Variants in XPNPEP1 observed in about 807,000 individuals in gnomAD.
XPNPEP1 encodes the protein X-prolyl aminopeptidase 1.
A neutral mutation model predicts 92.4 loss-of-function variants in XPNPEP1; 39 were observed. That is an observed-to-expected ratio of 0.42 (90% CI 0.33 to 0.55). The LOEUF (loss-of-function observed/expected upper bound fraction) is 0.55. Ranked by LOEUF, XPNPEP1 falls within the 20% of genes least tolerant of loss-of-function variation. XPNPEP1 has a pLI of 0.08. For synonymous variants in XPNPEP1, 307 were observed against 299.4 expected (o/e 1.03, Z -0.26); for missense variants, 654 against 856.1 (o/e 0.76, Z 2.95).
At chr10:109,903,419 C>G (rs917982901) in intron 3 of XPNPEP1, among the ~76,000 whole-genome samples, 1 of 152,184 alleles carries the variant, frequency 6.6e-6, no homozygotes, top group African/African-American at 2.4e-5. Context: ...TACAGAACTG[C>G]CCAAACCAAC....
chr10:109,881,869 T>C (rs559478628), intron 10 of XPNPEP1, among the ~76,000 whole-genome samples: 1 of 148,886 alleles, frequency 6.7e-6, no homozygotes, highest in Admixed American at 6.6e-5. Flanking sequence ...TCACTATCAC[T>C]TGAATTTGAC....
chr10:109,870,137 G>A (rs1005539485), intron 18 of XPNPEP1, 108 bp from the exon 19 acceptor site: 58 of 1,226,104 alleles, frequency 4.7e-5, no homozygotes, highest in South Asian at 1.5e-4. Flanking sequence ...GAGAAGAAAC[G>A]GGTGAAGAGC....
In XPNPEP1 at chr10:109,871,906, T is replaced by G. The variant is rs760955853; in HGVS notation, c.1453-45A>C. 9 of 1,581,822 alleles carry G rather than the reference T, an allele frequency of 5.7e-6. No homozygotes were observed. The South Asian group carries it at 9.1e-5, about 16-fold the overall frequency. On this transcript the variant is annotated intron_variant, in intron 16 of 20. Coordinates refer to ENST00000502935, the MANE Select transcript of XPNPEP1 (RefSeq NM_020383.4). Reference sequence around the variant, plus strand: ...GCATGTTGCAGAATGGGGACAGATGTCTAATCCTGTAGTTTTCTGGTAGTT... The same window carrying G: ...GCATGTTGCAGAATGGGGACAGATGGCTAATCCTGTAGTTTTCTGGTAGTT...
chr10:109,878,404 G>A (rs143672766), intron 12 of XPNPEP1: 75 of 211,966 alleles, frequency 3.5e-4, no homozygotes, highest in Admixed American at 6.8e-4. Flanking sequence ...AGATAAATGC[G>A]GAGAGATTAT....
rs936881753 is a variant in XPNPEP1, at chr10:109,867,206, T to C, written c.1872+1408A>G. ...ACTGGTTCCTATGGGGCAGAGGGAT[T>C]CTAAGCAGGGTGGGTCCCATGCCCA... On this transcript the variant is annotated intron_variant, in intron 20 of 20. Transcript: ENST00000502935. The surrounding 1 kb of genome is among the most constrained non-coding windows in gnomAD (Gnocchi z 4.5). Among the ~76,000 whole-genome samples the C allele has an allele frequency of 6.6e-6, 1 of 152,182 alleles. No individual in the cohort carries two copies. Among genetic ancestry groups the C allele is most frequent in the Non-Finnish European group, 1.5e-5 (1 of 68,026 alleles).
chr10:109,869,907 G>GAT, intron 19 of XPNPEP1, 46 bp downstream of exon 19: 1 of 1,595,860 alleles, frequency 6.3e-7, no homozygotes, highest in Non-Finnish European at 8.6e-7. Flanking sequence ...TCCGAGGCGT[G>GAT]ATTATTGCTA....
chr10:109,879,442 C>T (rs947298875), intron 12 of XPNPEP1, among the ~76,000 whole-genome samples: 11 of 151,604 alleles, frequency 7.3e-5, no homozygotes, highest in Admixed American at 3.9e-4. Context: ...CAGTGGCAGG[C>T]GCCTATAATC....
intron 15 of XPNPEP1, among the ~76,000 whole-genome samples, chr10:109,875,269 A>C (rs543553259): frequency 6.6e-6 from 1 of 152,308 alleles, no homozygotes; most frequent in Non-Finnish European, 1.5e-5. Context: ...GCTTTACTTC[A>C]CAGTTGTTTA....
In XPNPEP1 at chr10:109,882,500, G is replaced by C. The variant is rs751291494; in HGVS notation, c.973C>G (p.Leu325Val). 1.2e-6 allele frequency: 2 copies of C among 1,614,126 alleles called. No homozygotes were observed. Among genetic ancestry groups the C allele is most frequent in the Non-Finnish European group, 1.7e-6 (2 of 1,180,044 alleles). Residue 325 changes from leucine to valine, a missense_variant, in exon 10 of 21, where the codon CTC becomes GTC. Physicochemically the swap from Leu to Val is conservative, Grantham distance 32. Coordinates refer to ENST00000502935, the MANE Select transcript of XPNPEP1 (RefSeq NM_020383.4). ...LSELKALCADLSPREKVWVSD... is the reference protein window; with the variant it reads ...LSELKALCADVSPREKVWVSD... The stretch of plus-strand genomic sequence containing the variant: ...ACCCACACCTTCTCCCTTGGGGAGA[G>C]GTCAGCACACAGGGCCTTGAGCTCG...
At chr10:109,899,579 T>C (rs973562915) in intron 3 of XPNPEP1, among the ~76,000 whole-genome samples, 1 of 152,222 alleles carries the variant, frequency 6.6e-6, no homozygotes, top group Admixed American at 6.5e-5. Flanking sequence ...AAAATCACTG[T>C]GGGATAAAAA....
At chr10:109,895,887 T>G (rs1379896733) in intron 3 of XPNPEP1, among the ~76,000 whole-genome samples, 1 of 152,198 alleles carries the variant, frequency 6.6e-6, no homozygotes, top group African/African-American at 2.4e-5. Context: ...ATATCTAAGA[T>G]CATGTTAGCA....
intron 19 of XPNPEP1, 145 bp downstream of exon 19, chr10:109,869,808 A>T: frequency 1.3e-6 from 1 of 754,170 alleles, no homozygotes; most frequent in African/African-American, 1.8e-5. Flanking sequence ...TCTTGGCTCC[A>T]AAGACATTAA....
chr10:109,901,176 C>T (rs1166599562), intron 3 of XPNPEP1, among the ~76,000 whole-genome samples: 2 of 147,896 alleles, frequency 1.4e-5, no homozygotes, highest in South Asian at 2.1e-4. Flanking sequence ...AGCAAACTAT[C>T]GCAAGGACAG....
rs376317884 is a variant in XPNPEP1, at chr10:109,877,810, G to A, written c.1299C>T (p.Asn433=). Residue 433 remains asparagine, a synonymous_variant, in exon 14 of 21, where the codon AAC becomes AAT. Coordinates refer to ENST00000502935, the MANE Select transcript of XPNPEP1 (RefSeq NM_020383.4). ...CTTACGCGTAGTGAATGATGGCGCC[G>A]TTGGGTCCCGTACTGGAAATTGTTG... The part of the protein sequence containing the change: ...SFPTISSTGP[N]GAIIHYAPVP... 106 of 1,614,236 alleles carry A rather than the reference G, an allele frequency of 6.6e-5. 1 individual carries two copies. The highest frequency in any genetic ancestry group is 3.3e-4 in the Middle Eastern group (2 of 6,062).
chr10:109,888,512 T>A lies in XPNPEP1; in HGVS notation c.499A>T (p.Ile167Phe), dbSNP rs1224100971. The change falls in exon 6 of 21, where the codon ATT becomes TTT. Residue 167 changes from isoleucine (I) to phenylalanine (F), a missense_variant. Ile to Phe is a conservative substitution (Grantham distance 21). Transcript: ENST00000502935. ...GACCAAGCTCACTTACCTGTAGGAA[T>A]GATCAAGGGGTCCACACCAACCCTG... ...GSRVGVDPLI[I>F]PTDYWKKMAK... is the part of the protein sequence containing the mutation. 1 of 1,610,244 alleles carries A rather than the reference T, an allele frequency of 6.2e-7. No individual in the cohort carries two copies. Among genetic ancestry groups the A allele is most frequent in the Non-Finnish European group, 8.5e-7 (1 of 1,178,074 alleles).
chr10:109,868,816 T>G, intron 19 of XPNPEP1, 104 bp from the exon 20 acceptor site: 1 of 1,087,560 alleles, frequency 9.2e-7, no homozygotes, highest in Non-Finnish European at 1.4e-6. Context: ...CAGGGGTAAC[T>G]GGGAGCCAAG....
In XPNPEP1 at chr10:109,887,393, A is replaced by G. The variant is rs1848450520; in HGVS notation, c.652+656T>C. 3.3e-5 allele frequency among the ~76,000 whole-genome samples: 5 copies of G among 152,316 alleles called. No individual in the cohort carries two copies. In the South Asian group the frequency reaches 8.3e-4, roughly 25 times the overall value. ...GGGAATGCTGTTTAAAACTTGGCCC[A>G]GAATCTAGGCTGTCACGCTTTCTTC... On this transcript the variant is annotated intron_variant, in intron 7 of 20. Coordinates refer to ENST00000502935, the MANE Select transcript of XPNPEP1 (RefSeq NM_020383.4).
At chr10:109,905,533 A>G (rs1045985921) in intron 3 of XPNPEP1, among the ~76,000 whole-genome samples, 8 of 152,154 alleles carry the variant, frequency 5.3e-5, no homozygotes, top group African/African-American at 1.9e-4. Flanking sequence ...GAGAGAAAGT[A>G]GAATGGTGGT....
chr10:109,889,814 C>A (rs1159102049), intron 5 of XPNPEP1, among the ~76,000 whole-genome samples: 1 of 152,130 alleles, frequency 6.6e-6, no homozygotes, highest in Admixed American at 6.6e-5. Context: ...ACCACATAAC[C>A]ATAGAAGGGA....
Sources: gnomAD v4.1 joint callset for allele counts (sites outside exome capture counted in the v4.1 genomes callset) on GRCh38, gnomAD v4.1.1 for gene constraint, Gnocchi (gnomAD v3.1) non-coding constraint, MANE v1.5 for transcripts, NCBI Gene and HGNC (gene_info 2026-07-23, HGNC 2026-07-21) for gene names.